The following LRRN1 variants were observed in gnomAD, a reference collection of about 807,000 sequenced individuals.
LRRN1 encodes leucine-rich repeat neuronal protein 1.
Under a neutral mutation model 45.8 loss-of-function variants are expected in LRRN1, and 14 were observed. The ratio of observed to expected loss-of-function variants is 0.31; its 90% CI spans 0.20 to 0.48. LRRN1 has a LOEUF of 0.48. LRRN1 is among the 20% of genes least tolerant of loss of function. The pLI is 0.99. For missense variants in LRRN1, 789 were observed against 874.2 expected (o/e 0.90, Z 1.23); for synonymous variants, 359 against 330.1 (o/e 1.09, Z -0.95).
chr3:3,831,163 A>G (rs1693364784), intron 1 of LRRN1, among the ~76,000 whole-genome samples: 1 of 152,190 alleles, frequency 6.6e-6, no homozygotes, highest in Non-Finnish European at 1.5e-5. Flanking sequence ...CACTTGATAA[A>G]TGGGCCGGAG....
chr3:3,814,542 A>G (rs969696011), intron 1 of LRRN1, among the ~76,000 whole-genome samples: 8 of 152,008 alleles, frequency 5.3e-5, no homozygotes, highest in Non-Finnish European at 8.8e-5. Context: ...GCATCCCTCT[A>G]AAATTTGTAT....
rs188689452 is a variant in LRRN1 at position 3,829,408 on chromosome 3, A to C, written c.-278-14956A>C. ...AATGTCGTGGGAATAGGAAACAAAA[A>C]TTTTGCTAGTGGATCACTAGGGGTG... On this transcript the variant is annotated intron_variant, in intron 1 of 1. Coordinates refer to ENST00000319331, the MANE Select transcript of LRRN1 (RefSeq NM_020873.7). Among the ~76,000 whole-genome samples the C allele has an allele frequency of 3.4e-3, 520 of 152,174 alleles. 1 individual carries two copies. Among genetic ancestry groups the C allele is most frequent in the Middle Eastern group, 0.014 (4 of 294 alleles).
intron 1 of LRRN1, among the ~76,000 whole-genome samples, chr3:3,821,741 T>G (rs941355030): frequency 1.3e-5 from 2 of 152,188 alleles, no homozygotes; most frequent in African/African-American, 4.8e-5. Flanking sequence ...CAAGGTTTTC[T>G]TAAGCACAAA....
intron 1 of LRRN1, among the ~76,000 whole-genome samples, chr3:3,815,277 C>T (rs1365275556): frequency 6.6e-6 from 1 of 152,118 alleles, no homozygotes; most frequent in African/African-American, 2.4e-5. Context: ...TTTTAAGCTA[C>T]CAGTGTGATG....
rs372559747 is a variant in LRRN1, at chr3:3,827,053, T to G, written c.-278-17311T>G. Among the ~76,000 whole-genome samples, 14 of 152,294 alleles carry G rather than the reference T, an allele frequency of 9.2e-5. 1 individual carries two copies. Among genetic ancestry groups the G allele is most frequent in the East Asian group, 3.9e-4 (2 of 5,178 alleles). On this transcript the variant is annotated intron_variant, in intron 1 of 1. Coordinates refer to ENST00000319331, the MANE Select transcript of LRRN1 (RefSeq NM_020873.7). ...ACCCATGAAAAAGACTCAGATTCAATACGAGACATCAATCCTGTAAATAAT... is the reference window on the plus strand; with the variant it reads ...ACCCATGAAAAAGACTCAGATTCAAGACGAGACATCAATCCTGTAAATAAT...
rs554423038 is a variant in LRRN1 at position 3,848,857 on chromosome 3, C to G, written c.*2065C>G. 8.5e-5 allele frequency among the ~76,000 whole-genome samples: 13 copies of G among 152,130 alleles called. No individual in the cohort carries two copies. Among genetic ancestry groups the G allele is most frequent in the Non-Finnish European group, 1.8e-4 (12 of 68,014 alleles). ...TGCAGTTCTGAATAACCTCTAGTGC[C>G]CCTGCTTCAAAAATGCAGTACATCC... On this transcript the variant is annotated 3_prime_UTR_variant, in exon 2 of 2. Transcript: ENST00000319331.
chr3:3,807,245 C>T (rs1294906074), intron 1 of LRRN1, among the ~76,000 whole-genome samples: 1 of 152,110 alleles, frequency 6.6e-6, no homozygotes, highest in Non-Finnish European at 1.5e-5. Flanking sequence ...AAGAAAGGTT[C>T]ATAGGAGAGT....
intron 1 of LRRN1, among the ~76,000 whole-genome samples, chr3:3,826,032 C>T (rs911725591): frequency 2.6e-5 from 4 of 152,138 alleles, no homozygotes; most frequent in Non-Finnish European, 4.4e-5. Context: ...ACAGCTAAAA[C>T]ATTTTGGGTT....
At chr3:3,805,500 C>T (rs2106449870) in intron 1 of LRRN1, among the ~76,000 whole-genome samples, 2 of 152,260 alleles carry the variant, frequency 1.3e-5, no homozygotes, top group East Asian at 3.9e-4. Flanking sequence ...TGCAACCATC[C>T]CGGTGCTTCA....
chr3:3,834,525 GATATATATATATATAT>G lies in LRRN1; in HGVS notation c.-278-9826_-278-9811del, dbSNP rs71040093. ...GCGTTCTCTTAGAGGGACAGAACAG[GATATATATATATATAT>G]ATATATATATATGATATATATATTA... On this transcript the variant is annotated intron_variant, in intron 1 of 1. Coordinates refer to ENST00000319331, the MANE Select transcript of LRRN1 (RefSeq NM_020873.7). Among the ~76,000 whole-genome samples the G allele has an allele frequency of 7.3e-4, 20 of 27,308 alleles. 1 individual carries two copies. The highest frequency in any genetic ancestry group is 1.1e-3 in the African/African-American group (13 of 11,658). The allele number at this position is 27,308 out of a possible 152,430, so 17.9% of individuals were successfully genotyped here.
chr3:3,824,504 A>G (rs1364766683), intron 1 of LRRN1, among the ~76,000 whole-genome samples: 1 of 149,696 alleles, frequency 6.7e-6, no homozygotes, highest in African/African-American at 2.4e-5. Context: ...CATGTTAAAA[A>G]AAAAATCAGT....
chr3:3,817,394 A>T (rs1239269882), intron 1 of LRRN1, among the ~76,000 whole-genome samples: 1 of 152,208 alleles, frequency 6.6e-6, no homozygotes, highest in African/African-American at 2.4e-5. Context: ...ATGGCATTCA[A>T]TGTGGTTGAG....
At chr3:3,834,537 T>G (rs976482433) in intron 1 of LRRN1, among the ~76,000 whole-genome samples, 4 of 111,022 alleles carry the variant, frequency 3.6e-5, no homozygotes, top group African/African-American at 1.4e-4. Flanking sequence ...TATATATATA[T>G]ATATATATAT....
At chr3:3,826,916 C>G (rs1233447045) in intron 1 of LRRN1, among the ~76,000 whole-genome samples, 1 of 151,976 alleles carries the variant, frequency 6.6e-6, no homozygotes, top group Non-Finnish European at 1.5e-5. Flanking sequence ...TCTCTTTGAC[C>G]CCCCTGTACT....
chr3:3,825,498 T>C (rs1319544583), intron 1 of LRRN1, among the ~76,000 whole-genome samples: 1 of 152,126 alleles, frequency 6.6e-6, no homozygotes, highest in East Asian at 1.9e-4. Context: ...TTAATAGTAA[T>C]AACATACAAG....
intron 1 of LRRN1, among the ~76,000 whole-genome samples, chr3:3,840,308 C>T (rs892171062): frequency 1.3e-5 from 2 of 152,150 alleles, no homozygotes; most frequent in Non-Finnish European, 2.9e-5. Context: ...ACCTTCCTTG[C>T]ATTCCTGGTA....
chr3:3,800,211 G>T (rs1017713405), intron 1 of LRRN1, among the ~76,000 whole-genome samples: 1 of 151,990 alleles, frequency 6.6e-6, no homozygotes, highest in Non-Finnish European at 1.5e-5. Context: ...GGCAAAAAAA[G>T]GCAGTGACCG....
At chr3:3,802,406 T>C (rs1692673189) in intron 1 of LRRN1, among the ~76,000 whole-genome samples, 1 of 152,114 alleles carries the variant, frequency 6.6e-6, no homozygotes, top group South Asian at 2.1e-4. Context: ...GGAACAGCAT[T>C]TGCCCCAGTA....
intron 1 of LRRN1, among the ~76,000 whole-genome samples, chr3:3,831,133 A>T (rs1257263048): frequency 6.6e-6 from 1 of 152,162 alleles, no homozygotes; most frequent in East Asian, 1.9e-4. Flanking sequence ...ACCCCACTCA[A>T]AACTGGCAGC....
Sources: allele counts gnomAD v4.1 joint callset (sites outside exome capture counted in the v4.1 genomes callset), GRCh38; gene constraint gnomAD v4.1.1; transcripts MANE v1.5; gene names NCBI Gene and HGNC (gene_info 2026-07-23, HGNC 2026-07-21).